RASGRP3: variants seen among roughly 807,000 people sequenced by gnomAD.
The protein encoded by RASGRP3 is ras guanyl-releasing protein 3.
Under a neutral mutation model 82.7 loss-of-function variants are expected in RASGRP3, and 54 were observed. The ratio of observed to expected loss-of-function variants is 0.65; its 90% confidence interval spans 0.52 to 0.82. The LOEUF (loss-of-function observed/expected upper bound fraction) is 0.82, where lower values mean the gene tolerates loss of function less well. Ranked by LOEUF, RASGRP3 falls within the 40% of genes least tolerant of loss-of-function variation. The pLI is 0.00. For missense variants in RASGRP3, 861 were observed against 828.9 expected, an observed-to-expected ratio of 1.04 and a Z score of -0.48; for synonymous variants, 309 against 300.5, an observed-to-expected ratio of 1.03 and a Z score of -0.29.
chr2:33,470,221 T>G (rs1666974206), intron 2 of RASGRP3, among the ~76,000 whole-genome samples: 1 of 152,166 alleles, frequency 6.6e-6, no homozygotes, highest in Non-Finnish European at 1.5e-5. Context: ...ATTTACAATG[T>G]TAAGTTTTCC....
At chr2:33,542,676 A>C in intron 12 of RASGRP3, among the ~76,000 whole-genome samples, 1 of 139,198 alleles carries the variant, frequency 7.2e-6, no homozygotes, top group African/African-American at 2.6e-5. Context: ...CACCAATATC[A>C]CTCTATTTTA....
chr2:33,509,997 C>T (rs953245114), intron 1 of RASGRP3, among the ~76,000 whole-genome samples: 3 of 152,164 alleles, frequency 2.0e-5, no homozygotes, highest in South Asian at 4.1e-4. Context: ...ATTAAGTTTG[C>T]ATATTTCCAG....
chr2:33,504,800 T>C (rs975793933), intron 1 of RASGRP3, among the ~76,000 whole-genome samples: 3 of 152,126 alleles, frequency 2.0e-5, no homozygotes, highest in Non-Finnish European at 4.4e-5. Flanking sequence ...GAGATTGTCA[T>C]CTGGATGCAG....
At chr2:33,505,522 G>A (rs538267404) in intron 1 of RASGRP3, among the ~76,000 whole-genome samples, 3 of 152,078 alleles carry the variant, frequency 2.0e-5, no homozygotes, top group Admixed American at 6.5e-5. Context: ...GGCTGGTCTC[G>A]AACTCCTGAC....
intron 17 of RASGRP3, chr2:33,559,727 C>T: frequency 2.1e-6 from 1 of 472,040 alleles, no homozygotes; most frequent in Non-Finnish European, 4.3e-6. Flanking sequence ...AAAGCAATGT[C>T]ATGGAGGACA....
At chr2:33,519,200 C>G (rs1671760539) in intron 4 of RASGRP3, among the ~76,000 whole-genome samples, 1 of 152,190 alleles carries the variant, frequency 6.6e-6, no homozygotes, top group Non-Finnish European at 1.5e-5. Flanking sequence ...AGGAATTTTT[C>G]AATCCCACTA....
chr2:33,542,361 G>C (rs1674357317), intron 12 of RASGRP3, among the ~76,000 whole-genome samples: 2 of 145,558 alleles, frequency 1.4e-5, no homozygotes, highest in South Asian at 4.5e-4. Context: ...TTTCTGAAAG[G>C]GCATGTTCCC....
At position 33,522,083 on chromosome 2, in the gene RASGRP3, A is replaced by G. The variant is rs777363208; in HGVS notation, c.497A>G (p.Lys166Arg). The G allele has an allele frequency of 1.9e-6, 3 of 1,607,916 alleles. No homozygotes were observed. Among genetic ancestry groups the G allele is most frequent in the Non-Finnish European group, 2.5e-6 (3 of 1,178,538 alleles). Residue 166 changes from lysine to arginine, a missense_variant, in exon 7 of 18, where the codon AAA (lysine) becomes AGA (arginine). Transcript: ENST00000403687. ...GAGCACCTCACTTTTCTGGAGCATA[A>G]ATCTTTTAGAAGGATCTCAGTAAGA... The part of the protein sequence containing the change: ...LAEHLTFLEH[K>R]SFRRISFTDY...
chr2:33,461,378 A>T (rs967570585), intron 2 of RASGRP3, among the ~76,000 whole-genome samples: 1 of 152,216 alleles, frequency 6.6e-6, no homozygotes, highest in African/African-American at 2.4e-5. Flanking sequence ...TCCCGGGTTC[A>T]AGTCATTCTC....
At chr2:33,505,888 C>A (rs1044173719) in intron 1 of RASGRP3, among the ~76,000 whole-genome samples, 1 of 152,156 alleles carries the variant, frequency 6.6e-6, no homozygotes, top group African/African-American at 2.4e-5. Flanking sequence ...TAGGAGAATA[C>A]CCCCTTGGTG....
At chr2:33,457,750 T>C (rs901945973) in intron 2 of RASGRP3, among the ~76,000 whole-genome samples, 5 of 152,160 alleles carry the variant, frequency 3.3e-5, no homozygotes, top group African/African-American at 1.2e-4. Context: ...ACGTGACTGA[T>C]TGGGGAACGA....
chr2:33,510,679 C>G (rs1274565492), intron 1 of RASGRP3, among the ~76,000 whole-genome samples: 1 of 152,214 alleles, frequency 6.6e-6, no homozygotes, highest in Non-Finnish European at 1.5e-5. Flanking sequence ...CCTGAGCACT[C>G]AGCGTTCTGC....
At chr2:33,441,290 C>T (rs1272595838) in intron 1 of RASGRP3, among the ~76,000 whole-genome samples, 1 of 152,056 alleles carries the variant, frequency 6.6e-6, no homozygotes, top group Non-Finnish European at 1.5e-5. Flanking sequence ...GCCACTGTTT[C>T]ATTCTGTATC....
At chr2:33,470,219 T>C (rs2150914107) in intron 2 of RASGRP3, among the ~76,000 whole-genome samples, 1 of 152,280 alleles carries the variant, frequency 6.6e-6, no homozygotes, top group Admixed American at 6.5e-5. Flanking sequence ...ATATTTACAA[T>C]GTTAAGTTTT....
At chr2:33,467,893 A>G (rs1433474292) in intron 2 of RASGRP3, among the ~76,000 whole-genome samples, 3 of 152,218 alleles carry the variant, frequency 2.0e-5, no homozygotes, top group African/African-American at 7.2e-5. Flanking sequence ...GAAACCTTTC[A>G]GAGATTTGCT....
intron 17 of RASGRP3, 43 bp from the exon 18 acceptor site, chr2:33,562,686 A>T (rs1385713941): frequency 2.5e-6 from 4 of 1,605,852 alleles, no homozygotes; most frequent in Admixed American, 1.7e-5. Context: ...TTATTTTGTT[A>T]TATGAGATCC....
intron 15 of RASGRP3, among the ~76,000 whole-genome samples, chr2:33,556,812 A>G (rs1255875587): frequency 6.6e-6 from 1 of 151,874 alleles, no homozygotes; most frequent in Non-Finnish European, 1.5e-5. Context: ...ACTTTCAAGC[A>G]GCAAAGATAC....
At chr2:33,561,227 C>A (rs1238279462) in intron 17 of RASGRP3, among the ~76,000 whole-genome samples, 1 of 152,036 alleles carries the variant, frequency 6.6e-6, no homozygotes, top group Non-Finnish European at 1.5e-5. Context: ...CCACCATGCC[C>A]GGCTGATTTT....
At chr2:33,548,348 G>A (rs1675018622) in intron 13 of RASGRP3, among the ~76,000 whole-genome samples, 1 of 127,410 alleles carries the variant, frequency 7.8e-6, no homozygotes, top group African/African-American at 3.0e-5. Context: ...GCTAAAGAGC[G>A]GGACTCCGTC....
Sources: allele counts gnomAD v4.1 joint callset (sites outside exome capture counted in the v4.1 genomes callset), GRCh38; gene constraint gnomAD v4.1.1; transcripts MANE v1.5; gene names NCBI Gene and HGNC (gene_info 2026-07-23, HGNC 2026-07-21).